SLC24A3: variants seen among roughly 807,000 people sequenced by gnomAD.
The protein encoded by SLC24A3 is sodium/potassium/calcium exchanger 3.
In SLC24A3, 28 loss-of-function variants were observed where a neutral mutation model predicts 75.8. The ratio of observed to expected loss-of-function variants is 0.37; its 90% CI spans 0.27 to 0.51. The LOEUF (loss-of-function observed/expected upper bound fraction) is 0.51, where lower values mean the gene tolerates loss of function less well. SLC24A3 is among the 20% of genes least tolerant of loss of function. The pLI is 0.94. For missense variants in SLC24A3, 663 were observed against 847.8 expected (o/e 0.78, Z 2.71); for synonymous variants, 372 against 334.1 (o/e 1.11, Z -1.24).
chr20:19,605,302 G>A (rs1046326903), intron 6 of SLC24A3, among the ~76,000 whole-genome samples: 1 of 147,346 alleles, frequency 6.8e-6, no homozygotes, highest in African/African-American at 2.5e-5. Context: ...TTTACACTGT[G>A]TTTATTTCCA....
chr20:19,699,873 A>G (rs1468895517), intron 15 of SLC24A3, among the ~76,000 whole-genome samples: 3 of 152,228 alleles, frequency 2.0e-5, no homozygotes, highest in Non-Finnish European at 4.4e-5. Context: ...CTGCATGAAC[A>G]GCCATGATGC....
chr20:19,543,296 A>G (rs1314811919), intron 3 of SLC24A3, among the ~76,000 whole-genome samples: 1 of 152,232 alleles, frequency 6.6e-6, no homozygotes, highest in Non-Finnish European at 1.5e-5. Flanking sequence ...AGATGAGCCT[A>G]TGGCAAGGAA....
chr20:19,224,547 G>A (rs1177915135), intron 1 of SLC24A3, among the ~76,000 whole-genome samples: 4 of 152,100 alleles, frequency 2.6e-5, no homozygotes, highest in African/African-American at 9.7e-5. Context: ...CTTTGATAAT[G>A]ATTTTTTTTC....
chr20:19,308,997 A>C (rs1984394543), intron 2 of SLC24A3, among the ~76,000 whole-genome samples: 1 of 152,230 alleles, frequency 6.6e-6, no homozygotes, highest in Non-Finnish European at 1.5e-5. Context: ...TGGATTGGAC[A>C]TTCTAGTGAT....
At chr20:19,591,695 G>A (rs1304721787) in intron 6 of SLC24A3, among the ~76,000 whole-genome samples, 1 of 152,092 alleles carries the variant, frequency 6.6e-6, no homozygotes, top group Non-Finnish European at 1.5e-5. Flanking sequence ...TGTGGCAAAG[G>A]AACTAGTTAC....
chr20:19,328,553 A>C (rs368020253), intron 2 of SLC24A3, among the ~76,000 whole-genome samples: 21 of 152,158 alleles, frequency 1.4e-4, no homozygotes, highest in African/African-American at 5.1e-4. Context: ...ATTGGTGACA[A>C]CACCCTGAAG....
intron 2 of SLC24A3, among the ~76,000 whole-genome samples, chr20:19,300,952 C>T (rs1263045469): frequency 6.6e-6 from 1 of 152,172 alleles, no homozygotes; most frequent in Non-Finnish European, 1.5e-5. Flanking sequence ...GAACAGTTCT[C>T]CATGTTGTCC....
chr20:19,380,892 T>G (rs564336762), intron 2 of SLC24A3, among the ~76,000 whole-genome samples: 1 of 152,320 alleles, frequency 6.6e-6, no homozygotes, highest in South Asian at 2.1e-4. Context: ...GAAGTTTTCC[T>G]TGGCAGCAAA....
At chr20:19,273,821 C>T (rs532435279) in intron 1 of SLC24A3, among the ~76,000 whole-genome samples, 1 of 151,984 alleles carries the variant, frequency 6.6e-6, no homozygotes, top group South Asian at 2.1e-4. Flanking sequence ...ATGCTGAGAA[C>T]ACCCCCTTGG....
intron 2 of SLC24A3, among the ~76,000 whole-genome samples, chr20:19,344,769 T>C (rs960597481): frequency 9.2e-5 from 14 of 152,206 alleles, no homozygotes; most frequent in Admixed American, 5.2e-4. Context: ...ACATAATGGA[T>C]GGAGCCTGGT....
intron 2 of SLC24A3, among the ~76,000 whole-genome samples, chr20:19,305,622 T>G (rs538362439): frequency 2.6e-5 from 4 of 152,110 alleles, no homozygotes; most frequent in African/African-American, 9.6e-5. Context: ...CATCTGGTCT[T>G]CAAAAAAGTC....
At chr20:19,615,184 A>G (rs934473088) in intron 6 of SLC24A3, among the ~76,000 whole-genome samples, 2 of 152,070 alleles carry the variant, frequency 1.3e-5, no homozygotes, top group African/African-American at 4.8e-5. Context: ...AAATATATAT[A>G]TCATGGAGGG....
At chr20:19,239,133 A>AC (rs1316552604) in intron 1 of SLC24A3, among the ~76,000 whole-genome samples, 9 of 151,624 alleles carry the variant, frequency 5.9e-5, no homozygotes, top group Admixed American at 5.9e-4. Context: ...AAAAAAAAAA[A>AC]AAAAACAACA....
chr20:19,465,053 A>G (rs1987741115), intron 2 of SLC24A3, among the ~76,000 whole-genome samples: 1 of 152,244 alleles, frequency 6.6e-6, no homozygotes, highest in East Asian at 1.9e-4. Flanking sequence ...TGAAGGCTTT[A>G]TGTTTAAATT....
chr20:19,293,655 C>CAAAA (rs760339037), intron 2 of SLC24A3, among the ~76,000 whole-genome samples: 9 of 57,776 alleles, frequency 1.6e-4, no homozygotes, highest in African/African-American at 3.9e-4. Flanking sequence ...AACTTCGTCT[C>CAAAA]AAAAAAAAAA....
At chr20:19,516,788 C>T (rs1425183245) in intron 3 of SLC24A3, among the ~76,000 whole-genome samples, 1 of 152,178 alleles carries the variant, frequency 6.6e-6, no homozygotes, top group Non-Finnish European at 1.5e-5. Context: ...CAGTCACAGC[C>T]CACTGTGATT....
At chr20:19,328,886 C>T (rs1402436690) in intron 2 of SLC24A3, among the ~76,000 whole-genome samples, 3 of 152,180 alleles carry the variant, frequency 2.0e-5, no homozygotes, top group South Asian at 2.1e-4. Flanking sequence ...AGAGAGAGGA[C>T]TAAGAGCCCA....
At chr20:19,346,915 TA>T (rs1199519986) in intron 2 of SLC24A3, among the ~76,000 whole-genome samples, 1 of 152,032 alleles carries the variant, frequency 6.6e-6, no homozygotes, top group Non-Finnish European at 1.5e-5. Flanking sequence ...AGTAAAAGAA[TA>T]AACAAATAGG....
intron 2 of SLC24A3, among the ~76,000 whole-genome samples, chr20:19,500,974 C>G (rs1988375483): frequency 6.6e-6 from 1 of 152,200 alleles, no homozygotes; most frequent in South Asian, 2.1e-4. Flanking sequence ...CTACCACTAC[C>G]TCTTGCATTA....
Sources: gnomAD v4.1 joint callset for allele counts (sites outside exome capture counted in the v4.1 genomes callset) on GRCh38, gnomAD v4.1.1 for gene constraint, MANE v1.5 for transcripts, NCBI Gene and HGNC (gene_info 2026-07-23, HGNC 2026-07-21) for gene names.